Variants in SH3PXD2A observed in about 807,000 individuals in gnomAD.
SH3PXD2A encodes the protein SH3 and PX domains 2A.
A neutral mutation model predicts 115.2 loss-of-function variants in SH3PXD2A; 32 were observed. That is an observed-to-expected ratio of 0.28 (90% CI 0.21 to 0.37). SH3PXD2A has a LOEUF of 0.37. Ranked by LOEUF, SH3PXD2A falls within the 10% of genes least tolerant of loss-of-function variation. SH3PXD2A has a pLI of 1.00. For missense variants in SH3PXD2A, 1,328 were observed against 1,498.7 expected, an observed-to-expected ratio of 0.89 and a Z score of 1.88; for synonymous variants, 610 against 629.1, an observed-to-expected ratio of 0.97 and a Z score of 0.45.
intron 3 of SH3PXD2A, among the ~76,000 whole-genome samples, chr10:103,741,904 G>GGAGGCC (rs1355725962): frequency 1.3e-5 from 2 of 152,162 alleles, no homozygotes; most frequent in Non-Finnish European, 2.9e-5. Flanking sequence ...CAGCTGTTTG[G>GGAGGCC]GAGGCCGAGG....
chr10:103,827,990 T>G (rs1387486429), intron 1 of SH3PXD2A, among the ~76,000 whole-genome samples: 4 of 152,138 alleles, frequency 2.6e-5, no homozygotes, highest in Admixed American at 1.3e-4. Context: ...CTGGCCTGGT[T>G]CCCTGTGCAG....
At chr10:103,694,566 T>A (rs946672156) in intron 5 of SH3PXD2A, among the ~76,000 whole-genome samples, 1 of 152,092 alleles carries the variant, frequency 6.6e-6, no homozygotes, top group Non-Finnish European at 1.5e-5. Context: ...TTTCTGACTC[T>A]CTCCCCTTCC....
chr10:103,669,795 G>A (rs1250724439), intron 6 of SH3PXD2A, among the ~76,000 whole-genome samples: 1 of 152,244 alleles, frequency 6.6e-6, no homozygotes, highest in Non-Finnish European at 1.5e-5. Flanking sequence ...CCCACCAGGC[G>A]CTTGCCAGGA....
intron 7 of SH3PXD2A, among the ~76,000 whole-genome samples, chr10:103,667,070 C>T (rs765083713): frequency 3.9e-5 from 6 of 152,158 alleles, no homozygotes; most frequent in Non-Finnish European, 8.8e-5. Context: ...CAACATCAGC[C>T]CTTACCTCTG....
At chr10:103,623,249 C>T (rs1418907816) in intron 9 of SH3PXD2A, among the ~76,000 whole-genome samples, 4 of 150,522 alleles carry the variant, frequency 2.7e-5, no homozygotes, top group South Asian at 2.1e-4. Flanking sequence ...GGCCACCCAT[C>T]GGGACATCTG....
chr10:103,712,926 A>G (rs2038062657), intron 5 of SH3PXD2A, among the ~76,000 whole-genome samples: 1 of 152,208 alleles, frequency 6.6e-6, no homozygotes, highest in African/African-American at 2.4e-5. Flanking sequence ...GCTGAGAGGT[A>G]AGTCAACCAG....
intron 1 of SH3PXD2A, among the ~76,000 whole-genome samples, chr10:103,850,284 C>T (rs1421456505): frequency 6.6e-6 from 1 of 152,106 alleles, no homozygotes; most frequent in African/African-American, 2.4e-5. Flanking sequence ...CTGGTTTGCC[C>T]CCCAAAAGCC....
intron 8 of SH3PXD2A, among the ~76,000 whole-genome samples, chr10:103,659,375 G>A (rs2037258324): frequency 6.6e-6 from 1 of 152,204 alleles, no homozygotes; most frequent in African/African-American, 2.4e-5. Flanking sequence ...CTAGCCAGAA[G>A]TTCTGAGAAG....
At chr10:103,806,985 G>A (rs1481840390) in intron 1 of SH3PXD2A, among the ~76,000 whole-genome samples, 2 of 152,092 alleles carry the variant, frequency 1.3e-5, no homozygotes, top group Non-Finnish European at 2.9e-5. Flanking sequence ...GGTCATCTTG[G>A]GCTGCCTTCT....
At chr10:103,749,123 T>G (rs1309899250) in intron 3 of SH3PXD2A, among the ~76,000 whole-genome samples, 2 of 152,018 alleles carry the variant, frequency 1.3e-5, no homozygotes, top group African/African-American at 4.8e-5. Flanking sequence ...ACTCCTGACC[T>G]CAGGTGATCC....
chr10:103,764,671 C>A (rs2038735389), intron 3 of SH3PXD2A, among the ~76,000 whole-genome samples: 1 of 152,156 alleles, frequency 6.6e-6, no homozygotes, highest in South Asian at 2.1e-4. Context: ...TTCTTTTAAT[C>A]CTCACTGCAA....
intron 1 of SH3PXD2A, among the ~76,000 whole-genome samples, chr10:103,821,893 C>T (rs1394113904): frequency 7.4e-6 from 1 of 135,440 alleles, no homozygotes; most frequent in Non-Finnish European, 1.6e-5. Context: ...ATTCTTACTT[C>T]ATCCTTCTTC....
In SH3PXD2A at chr10:103,622,348, G is replaced by A. The variant is rs1415426212; in HGVS notation, c.802+122C>T. ...CTGCAGTAGGTGAGAAGAAAGCCTGGCCCGTGAATCTGGGTGAACAAGGAG... is the reference window on the plus strand; with the variant it reads ...CTGCAGTAGGTGAGAAGAAAGCCTGACCCGTGAATCTGGGTGAACAAGGAG... On this transcript the variant is annotated intron_variant, in intron 10 of 14. Transcript: ENST00000369774. 4.4e-6 allele frequency: 3 copies of A among 678,880 alleles called. No homozygotes were observed. In the Admixed American group the frequency reaches 7.4e-5, roughly 17 times the overall value. 42.1% of individuals were successfully genotyped at this position (678,880 alleles called of 1,614,324 possible).
intron 6 of SH3PXD2A, among the ~76,000 whole-genome samples, chr10:103,682,468 A>T (rs2134108102): frequency 6.6e-6 from 1 of 152,328 alleles, no homozygotes. Flanking sequence ...TAAAAACACC[A>T]GCCCAGAGGC....
intron 1 of SH3PXD2A, among the ~76,000 whole-genome samples, chr10:103,839,931 G>A (rs898853769): frequency 2.0e-5 from 3 of 152,276 alleles, no homozygotes; most frequent in Non-Finnish European, 4.4e-5. Flanking sequence ...CACCAGGCCT[G>A]GGAGAGGGCA....
chr10:103,652,868 C>T (rs900264201), intron 8 of SH3PXD2A, among the ~76,000 whole-genome samples: 4 of 152,124 alleles, frequency 2.6e-5, no homozygotes, highest in African/African-American at 7.2e-5. Context: ...AGCTCCGCTG[C>T]GGGGCTTCGA....
At chr10:103,854,375 G>T (rs1197853557) in intron 1 of SH3PXD2A, among the ~76,000 whole-genome samples, 3 of 152,164 alleles carry the variant, frequency 2.0e-5, no homozygotes, top group African/African-American at 7.2e-5. Flanking sequence ...ACTTCCTAAG[G>T]TGTGAGGGAT....
At chr10:103,628,798 C>T (rs12415095) in intron 8 of SH3PXD2A, among the ~76,000 whole-genome samples, 1 of 152,214 alleles carries the variant, frequency 6.6e-6, no homozygotes, top group South Asian at 2.1e-4. Flanking sequence ...TCAGGAAGAA[C>T]TGGGGATATG....
chr10:103,709,956 A>G (rs1351427209), intron 5 of SH3PXD2A, among the ~76,000 whole-genome samples: 1 of 151,860 alleles, frequency 6.6e-6, no homozygotes, highest in African/African-American at 2.4e-5. Flanking sequence ...AAATATGAGC[A>G]TGGGGGTGGA....
Sources: allele counts gnomAD v4.1 joint callset (sites outside exome capture counted in the v4.1 genomes callset), GRCh38; gene constraint gnomAD v4.1.1; transcripts MANE v1.5; gene names NCBI Gene and HGNC (gene_info 2026-07-23, HGNC 2026-07-21).